The following EHD4 variants were observed in gnomAD, a reference collection of about 807,000 sequenced individuals.
EHD4 encodes the protein EH domain-containing protein 4.
In EHD4, 37 loss-of-function variants were observed where a neutral mutation model predicts 51.0. That is an observed-to-expected ratio of 0.73 (90% CI 0.56 to 0.95). The LOEUF is 0.95. Among genes scored for constraint, EHD4 ranks in the 40% least tolerant of loss-of-function variants. EHD4 has a pLI of 0.00. For synonymous variants in EHD4, 297 were observed against 317.3 expected, an observed-to-expected ratio of 0.94 and a Z score of 0.68; for missense variants, 632 against 733.1, an observed-to-expected ratio of 0.86 and a Z score of 1.59.
chr15:41,922,204 T>C (rs906836069), intron 3 of EHD4, among the ~76,000 whole-genome samples: 2 of 152,068 alleles, frequency 1.3e-5, no homozygotes, highest in South Asian at 2.1e-4. Flanking sequence ...CCTGGCAATA[T>C]GGTGAGACCC....
chr15:41,916,713 C>T (rs1475396158), intron 4 of EHD4, among the ~76,000 whole-genome samples: 3 of 152,232 alleles, frequency 2.0e-5, no homozygotes, highest in Non-Finnish European at 4.4e-5. Flanking sequence ...GTGCTGAGTC[C>T]GGCTTCTCCT....
chr15:41,935,210 C>A (rs1364867109), intron 3 of EHD4, among the ~76,000 whole-genome samples: 1 of 152,184 alleles, frequency 6.6e-6, no homozygotes, highest in Non-Finnish European at 1.5e-5. Flanking sequence ...CTCAGAGAGC[C>A]CTCCCTGACT....
chr15:41,901,083 G>A lies in EHD4; in HGVS notation c.1188C>T (p.Leu396=), dbSNP rs1461418325. The A allele has an allele frequency of 6.2e-7, 1 of 1,612,938 alleles. No homozygotes were observed. The highest frequency in any genetic ancestry group is 8.5e-7 in the Non-Finnish European group (1 of 1,179,458). The change falls in exon 6 of 6, where the codon CTC becomes CTT. Residue 396 remains leucine (L), a synonymous_variant. Coordinates refer to ENST00000220325, the MANE Select transcript of EHD4 (RefSeq NM_139265.4). ...DNMLSNKISP[L]MNLISQEETS... ...TCTCCTCCTGGCTGATGAGGTTCAT[G>A]AGGGGCGAGATCTTGTTGCTCAGCA...
At chr15:41,930,737 T>C (rs143387289) in intron 3 of EHD4, among the ~76,000 whole-genome samples, 145 of 152,218 alleles carry the variant, frequency 9.5e-4, no homozygotes, top group Non-Finnish European at 1.5e-3. Flanking sequence ...AGCCAAACTA[T>C]TACTCAGAGA....
At chr15:41,947,561 T>C (rs2067823911) in intron 2 of EHD4, among the ~76,000 whole-genome samples, 1 of 152,144 alleles carries the variant, frequency 6.6e-6, no homozygotes, top group African/African-American at 2.4e-5. Context: ...AGAGAGATAA[T>C]ACAACTTCCT....
intron 1 of EHD4, among the ~76,000 whole-genome samples, chr15:41,968,637 A>G (rs2067977066): frequency 6.6e-6 from 1 of 151,924 alleles, no homozygotes; most frequent in Admixed American, 6.6e-5. Flanking sequence ...CTTCTAGCTT[A>G]TTTCTACTTT....
chr15:41,925,926 G>T (rs1049668523), intron 3 of EHD4, among the ~76,000 whole-genome samples: 6 of 152,196 alleles, frequency 3.9e-5, no homozygotes, highest in African/African-American at 1.4e-4. Context: ...TAGAACAGTT[G>T]CTCCCTGGCT....
chr15:41,919,137 C>T (rs529915302), intron 4 of EHD4, 73 bp downstream of exon 4: 1 of 1,580,804 alleles, frequency 6.3e-7, no homozygotes, highest in East Asian at 2.2e-5. Context: ...CCTCCTCCCA[C>T]CCATCTTGCC....
At chr15:41,907,822 C>CTGTG (rs1491431357) in intron 5 of EHD4, among the ~76,000 whole-genome samples, 17 of 127,404 alleles carry the variant, frequency 1.3e-4, no homozygotes, top group African/African-American at 4.8e-4. Flanking sequence ...TGCGCCCAGG[C>CTGTG]TCTGTGTGTG....
At chr15:41,918,273 C>G (rs375591435) in intron 4 of EHD4, among the ~76,000 whole-genome samples, 1 of 151,924 alleles carries the variant, frequency 6.6e-6, no homozygotes, top group Non-Finnish European at 1.5e-5. Context: ...CATATTCACA[C>G]AAGGCCATGT....
At chr15:41,949,225 C>T (rs1289101318) in intron 2 of EHD4, among the ~76,000 whole-genome samples, 1 of 151,336 alleles carries the variant, frequency 6.6e-6, no homozygotes, top group East Asian at 1.9e-4. Flanking sequence ...CAAAAAGTAG[C>T]TGGGCATGGA....
At chr15:41,926,951 C>T (rs916267344) in intron 3 of EHD4, among the ~76,000 whole-genome samples, 1 of 152,206 alleles carries the variant, frequency 6.6e-6, no homozygotes, top group African/African-American at 2.4e-5. Context: ...ACCGCCTTTC[C>T]TGTTTCCTCC....
chr15:41,943,328 A>G (rs561991445), intron 2 of EHD4, among the ~76,000 whole-genome samples, 164 bp from the exon 3 acceptor site: 1 of 152,252 alleles, frequency 6.6e-6, no homozygotes, highest in East Asian at 1.9e-4. Context: ...GTGAAGTAGG[A>G]GCTTGGAGGA....
chr15:41,912,516 G>A (rs1023018307), intron 4 of EHD4, among the ~76,000 whole-genome samples: 1 of 152,072 alleles, frequency 6.6e-6, no homozygotes, highest in South Asian at 2.1e-4. Context: ...CCAATGTGGT[G>A]AAACCCTGTC....
At chr15:41,908,298 T>C (rs570416513) in intron 5 of EHD4, 32 of 152,316 alleles carry the variant, frequency 2.1e-4, no homozygotes, top group Admixed American at 1.8e-3. Context: ...TCTGAGTTAG[T>C]GTATAATTTA....
chr15:41,904,097 G>A (rs966303093), intron 5 of EHD4, among the ~76,000 whole-genome samples: 4 of 152,200 alleles, frequency 2.6e-5, no homozygotes, highest in Admixed American at 1.3e-4. Context: ...TTCCCCGGGT[G>A]CGTGAACACC....
At chr15:41,930,124 C>T (rs542996161) in intron 3 of EHD4, among the ~76,000 whole-genome samples, 1 of 152,262 alleles carries the variant, frequency 6.6e-6, no homozygotes, top group African/African-American at 2.4e-5. Flanking sequence ...CAACTCTATA[C>T]TGAAAGAAAC....
At chr15:41,966,839 C>T (rs1188456195) in intron 1 of EHD4, among the ~76,000 whole-genome samples, 1 of 152,208 alleles carries the variant, frequency 6.6e-6, no homozygotes, top group Non-Finnish European at 1.5e-5. Context: ...GAGCCACTAC[C>T]CTCCCAGGCA....
In EHD4 at chr15:41,898,272, G is replaced by A. The variant is rs1249532108; in HGVS notation, c.*2373C>T. 1 of 152,134 alleles carries A rather than the reference G, an allele frequency of 6.6e-6. No individual in the cohort carries two copies. The highest frequency in any genetic ancestry group is 2.4e-5 in the African/African-American group (1 of 41,404). The allele number at this position is 152,134 out of a possible 1,614,324, so 9.4% of individuals were successfully genotyped here. A position where few individuals can be genotyped will look rare whatever the true frequency, so the allele number is the denominator to read the frequency against. ...CAGTGCCTGAGAGGTTTTCCTCCAC[G>A]GAGAAATCAGAGACCTCAACCTGCT... On this transcript the variant is annotated 3_prime_UTR_variant, in exon 6 of 6. Coordinates refer to ENST00000220325, the MANE Select transcript of EHD4 (RefSeq NM_139265.4).
Sources: gnomAD v4.1 joint callset for allele counts (sites outside exome capture counted in the v4.1 genomes callset) on GRCh38, gnomAD v4.1.1 for gene constraint, MANE v1.5 for transcripts, NCBI Gene and HGNC (gene_info 2026-07-23, HGNC 2026-07-21) for gene names.